CRYM: variants seen among roughly 807,000 people sequenced by gnomAD.
CRYM encodes ketimine reductase mu-crystallin.
CRYM carries 18 observed loss-of-function variants against 32.9 expected under a neutral mutation model. The ratio of observed to expected loss-of-function variants is 0.55; its 90% CI spans 0.38 to 0.81. The LOEUF (loss-of-function observed/expected upper bound fraction) is 0.81. Ranked by LOEUF, CRYM falls within the 30% of genes least tolerant of loss-of-function variation. CRYM has a pLI of 0.00. For synonymous variants in CRYM, 153 were observed against 152.4 expected (o/e 1.00, Z -0.03); for missense variants, 337 against 393.5 (o/e 0.86, Z 1.21).
Position 21,267,681 on chromosome 16 carries a change from T to C in CRYM, c.546A>G (p.Gln182=). 6.2e-7 allele frequency: 1 copy of C among 1,614,228 alleles called. No homozygotes were observed. Among genetic ancestry groups the C allele is most frequent in the Non-Finnish European group, 8.5e-7 (1 of 1,180,026 alleles). ...CCGAAGAACAGACCCGTACCTCTCC[T>C]TGCACTGTGTCTGCAAACTTCTCTG... ...ENAEKFADTV[Q]GEVRVCSSVQ... Residue 182 remains glutamine (Q), a synonymous_variant, in exon 5 of 8, where the codon CAA becomes CAG. Transcript: ENST00000572914.
At position 21,278,165 on chromosome 16, in the gene CRYM, C is replaced by CG. The variant is rs1345214064; in HGVS notation, c.86dup (p.Ala30GlyfsTer71). The CG allele has an allele frequency of 6.4e-7, 1 of 1,554,758 alleles. No individual in the cohort carries two copies. The stretch of plus-strand genomic sequence containing the variant: ...GACCGCTGGAGAAGTTGGCCAGGGC[C>CG]GTCTCTAGAGGCGGGATGAGGAGGC... On this transcript the variant is annotated frameshift_variant, in exon 1 of 8. Transcript: ENST00000572914. LOFTEE classifies it high-confidence loss of function.
rs148486804 is a variant in CRYM, at chr16:21,261,531, G to A, written c.796-193C>T. On this transcript the variant is annotated intron_variant, in intron 6 of 7. Coordinates refer to ENST00000572914, the MANE Select transcript of CRYM (RefSeq NM_001376256.1). ...CTGGCCCCGAAATCCTTTTGGGGTGGCATTTGCTTTTGTGATACCATAAAC... is the reference window on the plus strand; with the variant it reads ...CTGGCCCCGAAATCCTTTTGGGGTGACATTTGCTTTTGTGATACCATAAAC... 6.5e-6 allele frequency: 4 copies of A among 613,506 alleles called. 1 individual carries two copies. The highest frequency in any genetic ancestry group is 1.1e-5 in the Non-Finnish European group (4 of 348,286). The allele number at this position is 613,506 out of a possible 1,614,324, so 38.0% of individuals were successfully genotyped here.
Position 21,258,560 on chromosome 16 carries a change from G to A in CRYM, c.*221C>T. On this transcript the variant is annotated 3_prime_UTR_variant, in exon 8 of 8. Transcript: ENST00000572914. ...GTGCTTTATTTCAGGGAAATATAAA[G>A]GGAAATGAATGCTATTATAACTTGG... 1 of 588,940 alleles carries A rather than the reference G, an allele frequency of 1.7e-6. No individual in the cohort carries two copies. Among genetic ancestry groups the A allele is most frequent in the Non-Finnish European group, 3.0e-6 (1 of 330,874 alleles). The allele number at this position is 588,940 out of a possible 1,614,324, so 36.5% of individuals were successfully genotyped here.
chr16:21,297,585 G>C (rs576189680), intron 1 of CRYM, among the ~76,000 whole-genome samples: 1 of 152,314 alleles, frequency 6.6e-6, no homozygotes, highest in African/African-American at 2.4e-5. Context: ...AAAGGTATCT[G>C]TGTGATAAAA....
intron 1 of CRYM, chr16:21,300,972 G>C (rs1198560015): frequency 6.6e-6 from 1 of 151,968 alleles, no homozygotes; most frequent in East Asian, 2.0e-4. Flanking sequence ...AGATGAAGCG[G>C]GCTGGGCGTC....
In CRYM at chr16:21,277,576, C is replaced by A. The variant is rs1477288567; in HGVS notation, c.179G>T (p.Gly60Val). The A allele has an allele frequency of 1.2e-6, 2 of 1,613,808 alleles. No individual in the cohort carries two copies. The highest frequency in any genetic ancestry group is 1.7e-4 in the Middle Eastern group (1 of 5,966). The part of the protein sequence containing the change: ...VPVTKHRGYL[G>V]VMPAYSAAED... ...TGCAGCACTGTAGGCGGGCATGACC[C>A]CCAGGTAGCTACAAGGAGAGAGGGA... Residue 60 changes from glycine to valine, a missense_variant, in exon 2 of 8, where the codon GGG becomes GTG. Gly to Val is a moderately radical substitution (Grantham distance 109). Coordinates refer to ENST00000572914, the MANE Select transcript of CRYM (RefSeq NM_001376256.1). The surrounding 1 kb of genome is among the most constrained non-coding windows in gnomAD (Gnocchi z 4.2).
Position 21,278,129 on chromosome 16 carries a change from CCCT to C in CRYM, c.120_122del (p.Gly41del), listed in dbSNP as rs2093391081. On this transcript the variant is annotated inframe_deletion, in exon 1 of 8. Transcript: ENST00000572914. ...CCACGGTGCGCACGGGCTGCATGAC[CCCT>C]CCTTCGGGACCGCTGGAGAAGTTGG... 2 of 1,549,800 alleles carry C rather than the reference CCCT, an allele frequency of 1.3e-6. No homozygotes were observed. The highest frequency in any genetic ancestry group is 2.7e-5 in the African/African-American group (2 of 73,030).
Position 21,258,588 on chromosome 16 carries a change from G to C in CRYM, c.*193C>G. 3.1e-6 allele frequency: 2 copies of C among 637,386 alleles called. No homozygotes were observed. The highest frequency in any genetic ancestry group is 5.6e-6 in the Non-Finnish European group (2 of 355,144). 39.5% of individuals were successfully genotyped at this position (637,386 alleles called of 1,614,324 possible). On this transcript the variant is annotated 3_prime_UTR_variant, in exon 8 of 8. Coordinates refer to ENST00000572914, the MANE Select transcript of CRYM (RefSeq NM_001376256.1). ...AAATGAATGCTATTATAACTTGGTAGAACAGAAGAAATGGCTACCTAGCTT... is the reference window on the plus strand; with the variant it reads ...AAATGAATGCTATTATAACTTGGTACAACAGAAGAAATGGCTACCTAGCTT...
intron 1 of CRYM, chr16:21,302,906 G>C (rs1383460204): frequency 6.5e-6 from 1 of 153,002 alleles, no homozygotes; most frequent in Non-Finnish European, 1.5e-5. Flanking sequence ...GTATTAATCT[G>C]TTTTCACACT....
At chr16:21,267,497 C>T (rs1049959251) in intron 5 of CRYM, 57 bp downstream of exon 5, 12 of 1,572,330 alleles carry the variant, frequency 7.6e-6, no homozygotes, top group East Asian at 6.7e-5. Context: ...CGACTGGTCC[C>T]GTCTAGAGAG....
chr16:21,278,306 G>C (rs1013570672), upstream of CRYM: 18 of 1,539,762 alleles, frequency 1.2e-5, no homozygotes, highest in African/African-American at 2.2e-4. Context: ...ACGTACCCTC[G>C]GCTGTGCCCT....
At position 21,276,636 on chromosome 16, in the gene CRYM, T is replaced by C. The variant is rs555183197; in HGVS notation, c.324+795A>G. Among the ~76,000 whole-genome samples, 16 of 152,210 alleles carry C rather than the reference T, an allele frequency of 1.1e-4. No homozygotes were observed. The East Asian group carries it at 3.1e-3, about 29-fold the overall frequency. On this transcript the variant is annotated intron_variant, in intron 2 of 7. Transcript: ENST00000572914. ...GAAGGGGAGTTAATAAAAACACCCATAGAGGAATTTTGCAGAATTGAATGT... is the reference window on the plus strand; with the variant it reads ...GAAGGGGAGTTAATAAAAACACCCACAGAGGAATTTTGCAGAATTGAATGT...
intron 3 of CRYM, among the ~76,000 whole-genome samples, chr16:21,271,094 C>G (rs1465952492): frequency 6.6e-6 from 1 of 152,224 alleles, no homozygotes; most frequent in African/African-American, 2.4e-5. Context: ...CTCGGTACTA[C>G]TAACATTTGG....
intron 1 of CRYM, chr16:21,284,130 G>A (rs1567238000): frequency 6.6e-6 from 1 of 151,524 alleles, no homozygotes; most frequent in Non-Finnish European, 1.5e-5. Flanking sequence ...ACTTAGGGTT[G>A]AATTTTAACT....
chr16:21,260,061 G>T (rs1007481148), intron 7 of CRYM, among the ~76,000 whole-genome samples: 3 of 152,170 alleles, frequency 2.0e-5, no homozygotes, highest in African/African-American at 7.2e-5. Flanking sequence ...CAGTGCATGA[G>T]AGATTTTAAA....
chr16:21,278,553 G>A, upstream of CRYM: 4 of 503,414 alleles, frequency 7.9e-6, no homozygotes, highest in Non-Finnish European at 1.5e-5. Flanking sequence ...ATCAGCTGTA[G>A]CCACATTCCT....
chr16:21,287,064 T>G (rs1288089475), intron 1 of CRYM, among the ~76,000 whole-genome samples: 1 of 149,684 alleles, frequency 6.7e-6, no homozygotes, highest in Non-Finnish European at 1.5e-5. Context: ...CACTCCAGCC[T>G]GGGCGACAGA....
intron 1 of CRYM, among the ~76,000 whole-genome samples, chr16:21,286,204 C>T (rs1447036527): frequency 6.7e-6 from 1 of 150,108 alleles, no homozygotes; most frequent in Non-Finnish European, 1.5e-5. Context: ...TTAGAATAGA[C>T]ATAGTTAAAG....
At chr16:21,268,081 G>C (rs1292313060) in intron 4 of CRYM, among the ~76,000 whole-genome samples, 16 of 152,216 alleles carry the variant, frequency 1.1e-4, no homozygotes, top group Non-Finnish European at 2.4e-4. Context: ...CTGGAGCCAG[G>C]TAGGCTTGGA....
Sources: allele counts gnomAD v4.1 joint callset (sites outside exome capture counted in the v4.1 genomes callset), GRCh38; gene constraint gnomAD v4.1.1; non-coding constraint Gnocchi (gnomAD v3.1); transcripts MANE v1.5; gene names NCBI Gene and HGNC (gene_info 2026-07-23, HGNC 2026-07-21).